CDH18: variants seen among roughly 807,000 people sequenced by gnomAD.
CDH18 encodes the protein cadherin 18.
CDH18 carries 31 observed loss-of-function variants against 67.9 expected under a neutral mutation model. The observed-to-expected ratio is 0.46, with a 90% CI of 0.34 to 0.62. The LOEUF is 0.62. CDH18 is among the 20% of genes least tolerant of loss of function. The probability of loss-of-function intolerance (pLI) is 0.01; values close to 1 mark genes in which losing one functional copy is unlikely to be tolerated. For missense variants in CDH18, 890 were observed against 975.5 expected, an observed-to-expected ratio of 0.91 and a Z score of 1.17; for synonymous variants, 362 against 347.2, an observed-to-expected ratio of 1.04 and a Z score of -0.48.
intron 5 of CDH18, among the ~76,000 whole-genome samples, chr5:19,665,272 C>A (rs772247634): frequency 5.3e-5 from 8 of 151,764 alleles, no homozygotes; most frequent in African/African-American, 1.2e-4. Flanking sequence ...TGTTTATTTT[C>A]TGGAGGAAAA....
At chr5:19,751,080 T>C (rs537774341) in intron 3 of CDH18, among the ~76,000 whole-genome samples, 1 of 152,216 alleles carries the variant, frequency 6.6e-6, no homozygotes, top group Admixed American at 6.5e-5. Context: ...CTTTAATAAA[T>C]TGTCACTTTC....
chr5:19,493,584 C>A (rs1049130296), intron 11 of CDH18, among the ~76,000 whole-genome samples: 1 of 149,854 alleles, frequency 6.7e-6, no homozygotes, highest in Non-Finnish European at 1.5e-5. Context: ...CGTTTGTCTT[C>A]ATTTTGAATT....
At chr5:19,757,678 G>GTCC (rs1771787373) in intron 3 of CDH18, among the ~76,000 whole-genome samples, 1 of 152,130 alleles carries the variant, frequency 6.6e-6, no homozygotes, top group South Asian at 2.1e-4. Context: ...ACTCAGAGAG[G>GTCC]TCCACCCACA....
intron 1 of CDH18, among the ~76,000 whole-genome samples, chr5:20,541,976 C>T (rs1289355227): frequency 2.0e-5 from 3 of 152,126 alleles, no homozygotes; most frequent in Admixed American, 6.5e-5. Context: ...GACGGAGTCT[C>T]GCTCTGTCAC....
In CDH18 at chr5:19,757,266, T is replaced by G. The variant is rs372760896; in HGVS notation, c.229-10030A>C. Among the ~76,000 whole-genome samples the G allele has an allele frequency of 6.6e-5, 10 of 152,326 alleles. No individual in the cohort carries two copies. In the East Asian group the frequency reaches 1.9e-3, roughly 29 times the overall value. On this transcript the variant is annotated intron_variant, in intron 3 of 12. Coordinates refer to ENST00000382275, the MANE Select transcript of CDH18 (RefSeq NM_004934.5). ...ACCCATATGCAGAGTAAGTGTCTAT[T>G]CCAGTGAAGACCAACCTCTGACCTT...
At chr5:19,889,202 T>C (rs925826155) in intron 2 of CDH18, among the ~76,000 whole-genome samples, 2 of 152,120 alleles carry the variant, frequency 1.3e-5, no homozygotes, top group East Asian at 1.9e-4. Flanking sequence ...TTTCTATGTA[T>C]AGATAGTTGA....
In CDH18 at chr5:19,994,728, TATATATATATAGAGAGAGAGAGAG is replaced by T. The variant is rs1434651332; in HGVS notation, c.-517-2738_-517-2715del. On this transcript the variant is annotated intron_variant, in intron 2 of 14. Transcript: ENST00000507958. ...ATATATATATATATATATATATATATATATATATATAGAGAGAGAGAGAGAGAGAGAGAGAGAGAGAGAGAGAGA... is the reference window on the plus strand; with the variant it reads ...ATATATATATATATATATATATATATAGAGAGAGAGAGAGAGAGAGAGAGA... 1.7e-3 allele frequency among the ~76,000 whole-genome samples: 35 copies of T among 20,926 alleles called. 2 individuals are homozygous for T. Among genetic ancestry groups the T allele is most frequent in the East Asian group, 5.1e-3 (3 of 594 alleles). 13.7% of individuals were successfully genotyped at this position (20,926 alleles called of 152,430 possible). A position where few individuals can be genotyped will look rare whatever the true frequency, so the allele number is the denominator to read the frequency against.
chr5:19,812,914 G>A (rs1326202986), intron 3 of CDH18, among the ~76,000 whole-genome samples: 2 of 152,040 alleles, frequency 1.3e-5, no homozygotes, highest in African/African-American at 4.8e-5. Flanking sequence ...TGATAAACTG[G>A]ATAAAGAAAA....
At chr5:19,792,135 T>G (rs1776424141) in intron 3 of CDH18, among the ~76,000 whole-genome samples, 1 of 152,150 alleles carries the variant, frequency 6.6e-6, no homozygotes, top group Admixed American at 6.6e-5. Context: ...TAGATGTGTC[T>G]ATGAGAATGT....
intron 2 of CDH18, among the ~76,000 whole-genome samples, chr5:19,934,261 A>T (rs1023999941): frequency 4.6e-5 from 7 of 151,496 alleles, no homozygotes; most frequent in African/African-American, 1.4e-4. Flanking sequence ...TAGATGTGAG[A>T]AGGACTTAAT....
At chr5:20,231,581 C>T (rs1742081688) in intron 2 of CDH18, among the ~76,000 whole-genome samples, 1 of 148,926 alleles carries the variant, frequency 6.7e-6, no homozygotes, top group Non-Finnish European at 1.5e-5. Flanking sequence ...GCCTGGGCAA[C>T]AAGAGTGAAA....
chr5:19,650,166 C>A (rs1222027627), intron 5 of CDH18, among the ~76,000 whole-genome samples: 1 of 151,960 alleles, frequency 6.6e-6, no homozygotes, highest in Non-Finnish European at 1.5e-5. Context: ...TGAAGGAACA[C>A]AAAAGCTGCC....
In CDH18 at chr5:20,269,275, T is replaced by G. The variant is rs530945187; in HGVS notation, c.-579-13770A>C. On this transcript the variant is annotated intron_variant, in intron 1 of 14. Coordinates refer to the CDH18 transcript ENST00000507958. ...AGAAAAGGGAACTCTTATACACTGT[T>G]GATGGGAGTGTAAATTAGTGCAGTC... Among the ~76,000 whole-genome samples the G allele has an allele frequency of 5.3e-5, 8 of 152,282 alleles. No individual in the cohort carries two copies. In the East Asian group the frequency reaches 1.5e-3, roughly 29 times the overall value.
At position 20,178,437 on chromosome 5, in the gene CDH18, T is replaced by C. The variant is rs116230479; in HGVS notation, c.-518+77007A>G. ...CATCATTGTTTCTCATTTTCAACAA[T>C]ATTTTCCTTTCCACTGCTAGCTAAT... is the stretch of plus-strand genomic sequence containing the variant. On this transcript the variant is annotated intron_variant, in intron 2 of 14. Transcript: ENST00000507958. Among the ~76,000 whole-genome samples the C allele has an allele frequency of 1.4e-3, 208 of 151,960 alleles. 2 individuals carry two copies. The highest frequency in any genetic ancestry group is 8.3e-3 in the South Asian group (40 of 4,818).
Position 20,563,491 on chromosome 5 carries a change from C to T in CDH18, c.-580+11971G>A, listed in dbSNP as rs1381366432. 3.6e-5 allele frequency among the ~76,000 whole-genome samples: 5 copies of T among 138,642 alleles called. No individual in the cohort carries two copies. In the East Asian group the frequency reaches 1.1e-3, roughly 29 times the overall value. The allele number at this position is 138,642 out of a possible 152,430, so 91.0% of individuals were successfully genotyped here. On this transcript the variant is annotated intron_variant, in intron 1 of 14. Coordinates refer to the CDH18 transcript ENST00000507958. ...AGTTAAATTGTTGACAGTAAGTTCACTCGTTTTTTGTGTGTTTTTTTAAAT... is the reference window on the plus strand; with the variant it reads ...AGTTAAATTGTTGACAGTAAGTTCATTCGTTTTTTGTGTGTTTTTTTAAAT...
chr5:20,314,641 C>T (rs1211028083), intron 1 of CDH18, among the ~76,000 whole-genome samples: 7 of 152,018 alleles, frequency 4.6e-5, no homozygotes, highest in Non-Finnish European at 1.0e-4. Context: ...CGCTCATTTG[C>T]TCAGAGCTTA....
chr5:19,807,028 A>G (rs1479942538), intron 3 of CDH18, among the ~76,000 whole-genome samples: 4 of 152,354 alleles, frequency 2.6e-5, no homozygotes, highest in South Asian at 4.1e-4. Context: ...ACTGGTTACT[A>G]CAGACAATGT....
intron 2 of CDH18, among the ~76,000 whole-genome samples, chr5:20,245,051 A>C (rs558704328): frequency 1.3e-5 from 2 of 152,244 alleles, no homozygotes; most frequent in East Asian, 1.9e-4. Context: ...AGTTGCATTA[A>C]ATCAGAAGCT....
At chr5:19,796,809 A>G (rs1776905938) in intron 3 of CDH18, among the ~76,000 whole-genome samples, 3 of 152,054 alleles carry the variant, frequency 2.0e-5, no homozygotes. Flanking sequence ...TTCCTTCAAA[A>G]TGGTAAAATG....
Sources: gnomAD v4.1 joint callset for allele counts (sites outside exome capture counted in the v4.1 genomes callset) on GRCh38, gnomAD v4.1.1 for gene constraint, MANE v1.5 for transcripts, NCBI Gene and HGNC (gene_info 2026-07-23, HGNC 2026-07-21) for gene names.